The following PRSS48 variants were observed in gnomAD, a reference collection of about 807,000 sequenced individuals.
PRSS48 encodes the protein serine protease 48.
PRSS48 carries 21 observed loss-of-function variants against 25.6 expected under a neutral mutation model. The ratio of observed to expected loss-of-function variants is 0.82; its 90% confidence interval spans 0.58 to 1.18. The LOEUF (loss-of-function observed/expected upper bound fraction) is 1.18, where lower values mean the gene tolerates loss of function less well. Ranked by LOEUF, PRSS48 falls within the 50% of genes most tolerant of loss-of-function variation. The pLI is 0.00. For missense variants in PRSS48, 373 were observed against 399.3 expected, an observed-to-expected ratio of 0.93 and a Z score of 0.56; for synonymous variants, 150 against 149.3, an observed-to-expected ratio of 1.00 and a Z score of -0.04.
In PRSS48 at chr4:151,289,452, G is replaced by A. The variant is rs530635590; in HGVS notation, c.652-1666G>A. ...AAAGTAAAAAGGTAGCCTATGAAACGGAAGAAAATATTTGCAAATCATATA... is the reference window on the plus strand; with the variant it reads ...AAAGTAAAAAGGTAGCCTATGAAACAGAAGAAAATATTTGCAAATCATATA... On this transcript the variant is annotated intron_variant, in intron 4 of 4. Transcript: ENST00000455694. 3.9e-5 allele frequency among the ~76,000 whole-genome samples: 6 copies of A among 152,202 alleles called. No individual in the cohort carries two copies. In the East Asian group the frequency reaches 1.2e-3, roughly 29 times the overall value.
downstream of PRSS48, chr4:151,291,504 A>ATGATT: frequency 7.6e-7 from 1 of 1,315,930 alleles, no homozygotes; most frequent in Non-Finnish European, 1.0e-6. Context: ...ACAATTTGAA[A>ATGATT]TGATTTTGTT....
At chr4:151,277,552 A>G (rs1010927666) in intron 1 of PRSS48, among the ~76,000 whole-genome samples, 12 of 152,176 alleles carry the variant, frequency 7.9e-5, no homozygotes, top group Admixed American at 7.9e-4. Flanking sequence ...GAGTGTTGCA[A>G]TCTTTAGAAG....
intron 4 of PRSS48, among the ~76,000 whole-genome samples, chr4:151,289,747 G>A (rs1775144002): frequency 6.6e-6 from 1 of 152,068 alleles, no homozygotes; most frequent in African/African-American, 2.4e-5. Context: ...TCCACTCCTA[G>A]GTATATGACC....
chr4:151,286,908 A>G (rs1774844587), intron 4 of PRSS48, among the ~76,000 whole-genome samples: 2 of 151,636 alleles, frequency 1.3e-5, no homozygotes, highest in Non-Finnish European at 2.9e-5. Flanking sequence ...TGAATCTGGG[A>G]GGTAGAGGTT....
chr4:151,287,066 C>A (rs1469783444), intron 4 of PRSS48, among the ~76,000 whole-genome samples: 1 of 151,204 alleles, frequency 6.6e-6, no homozygotes, highest in Admixed American at 6.6e-5. Context: ...GGGGACTGGG[C>A]ACAGTGGCTC....
intron 4 of PRSS48, among the ~76,000 whole-genome samples, chr4:151,285,193 A>C (rs1240882426): frequency 1.3e-5 from 2 of 152,206 alleles, no homozygotes; most frequent in African/African-American, 4.8e-5. Flanking sequence ...GTAGCCTTTT[A>C]TATGCTGTCC....
chr4:151,278,280 T>A (rs1773844487), intron 1 of PRSS48, among the ~76,000 whole-genome samples: 1 of 152,076 alleles, frequency 6.6e-6, no homozygotes, highest in African/African-American at 2.4e-5. Context: ...GAGCATTTTT[T>A]TTTTAAGAGA....
chr4:151,289,059 T>C (rs1400194337), intron 4 of PRSS48, among the ~76,000 whole-genome samples: 1 of 152,236 alleles, frequency 6.6e-6, no homozygotes, highest in Admixed American at 6.5e-5. Flanking sequence ...TGAAATAGGA[T>C]TGAGTGTACA....
chr4:151,291,046 T>A (rs1319786880), intron 4 of PRSS48, 72 bp from the exon 5 acceptor site: 4 of 1,211,584 alleles, frequency 3.3e-6, no homozygotes, highest in Non-Finnish European at 3.5e-6. Context: ...TAAAGAATTC[T>A]CCACCCCTTA....
chr4:151,291,517 T>A, downstream of PRSS48: 1 of 1,243,260 alleles, frequency 8.0e-7, no homozygotes, highest in Non-Finnish European at 1.1e-6. Context: ...ATTTTGTTTT[T>A]AAGGTTTTTG....
chr4:151,277,179 C>A, exon 1 of PRSS48: 1 of 1,486,044 alleles, frequency 6.7e-7, no homozygotes. Context: ...AGACATGGGC[C>A]CTGCTGGCTG....
At chr4:151,282,084 A>G in intron 2 of PRSS48, 64 bp from the exon 3 acceptor site, 1 of 1,562,168 alleles carries the variant, frequency 6.4e-7, no homozygotes, top group East Asian at 2.2e-5. Context: ...TTAGTGCTAC[A>G]TATAGGCAGC....
At chr4:151,287,702 C>T (rs2150015377) in intron 4 of PRSS48, among the ~76,000 whole-genome samples, 1 of 152,234 alleles carries the variant, frequency 6.6e-6, no homozygotes, top group South Asian at 2.1e-4. Context: ...CAAGACTAGA[C>T]TGGGCAACAT....
chr4:151,280,533 T>C (rs1316414201), intron 2 of PRSS48, among the ~76,000 whole-genome samples: 1 of 152,222 alleles, frequency 6.6e-6, no homozygotes, highest in Non-Finnish European at 1.5e-5. Flanking sequence ...TATTTGTTGT[T>C]TTAAGCCACT....
chr4:151,282,190 T>C, exon 3 of PRSS48: 1 of 1,613,936 alleles, frequency 6.2e-7, no homozygotes, highest in Non-Finnish European at 8.5e-7. Flanking sequence ...TAGGATCGAT[T>C]ACAGTAGGTG....
intron 4 of PRSS48, among the ~76,000 whole-genome samples, chr4:151,284,310 T>C (rs1774531964): frequency 6.6e-6 from 1 of 152,234 alleles, no homozygotes; most frequent in Admixed American, 6.6e-5. Flanking sequence ...TTGATCTGTA[T>C]TGAAGATCAC....
intron 4 of PRSS48, among the ~76,000 whole-genome samples, chr4:151,290,760 G>T (rs948086523): frequency 6.6e-6 from 1 of 152,162 alleles, no homozygotes; most frequent in African/African-American, 2.4e-5. Flanking sequence ...TTTTAGGTAA[G>T]AATGGATTAC....
exon 5 of PRSS48, chr4:151,291,449 G>A: frequency 1.2e-6 from 2 of 1,600,522 alleles, no homozygotes; most frequent in Non-Finnish European, 1.7e-6. Flanking sequence ...CCCAGGGGCA[G>A]ATAACTCACA....
At chr4:151,282,064 G>A in intron 2 of PRSS48, 84 bp from the exon 3 acceptor site, 1 of 1,423,756 alleles carries the variant, frequency 7.0e-7, no homozygotes, top group Non-Finnish European at 9.6e-7. Flanking sequence ...CTCCTTTCTT[G>A]AGTAGAGACT....
Sources: allele counts gnomAD v4.1 joint callset (sites outside exome capture counted in the v4.1 genomes callset), GRCh38; gene constraint gnomAD v4.1.1; transcripts MANE v1.5; gene names NCBI Gene and HGNC (gene_info 2026-07-23, HGNC 2026-07-21).